Variants in RIT2 observed in about 807,000 individuals in gnomAD.
RIT2 encodes Ras like without CAAX 2, also known as GTP-binding protein Rit2.
Under a neutral mutation model 23.7 loss-of-function variants are expected in RIT2, and 24 were observed. That is an observed-to-expected ratio of 1.01 (90% CI 0.73 to 1.43). The LOEUF is 1.43. Ranked by LOEUF, RIT2 falls within the 40% of genes most tolerant of loss-of-function variation. The pLI, the probability that RIT2 is intolerant of heterozygous loss-of-function variation, is 0.00. For synonymous variants in RIT2, 107 were observed against 91.1 expected (o/e 1.17, Z -0.99); for missense variants, 236 against 266.9 (o/e 0.88, Z 0.81).
At chr18:42,879,673 A>AT (rs1349664659) in intron 4 of RIT2, among the ~76,000 whole-genome samples, 2 of 151,690 alleles carry the variant, frequency 1.3e-5, no homozygotes, top group Admixed American at 6.6e-5. Context: ...TATCTTTTAA[A>AT]TGTTGTTTGT....
Position 42,963,040 on chromosome 18 carries a change from T to C in RIT2, c.234+11034A>G, listed in dbSNP as rs575244350. ...TCAGCATGCTATTTACCTATCCATG[T>C]TGCAAGGAATAATCCACGTTCCTTG... On this transcript the variant is annotated intron_variant, in intron 3 of 4. Coordinates refer to ENST00000326695, the MANE Select transcript of RIT2 (RefSeq NM_002930.4). Among the ~76,000 whole-genome samples, 18 of 152,302 alleles carry C rather than the reference T, an allele frequency of 1.2e-4. 1 individual carries two copies. The South Asian group carries it at 3.7e-3, about 32-fold the overall frequency.
rs1468659278 is a variant in RIT2 at position 43,033,866 on chromosome 18, T to C, written c.105A>G (p.Ala35=). Residue 35 remains alanine, a splice_region_variant and synonymous_variant, in exon 2 of 5, where the codon GCA becomes GCG. Coordinates refer to ENST00000326695, the MANE Select transcript of RIT2 (RefSeq NM_002930.4). The stretch of plus-strand genomic sequence containing the variant: ...GATGACTAATAAACTGCATTGTCAT[T>C]GCTGAAAGAAAAAAAACACATTTTG... ...MLGAGGVGKS[A]MTMQFISHQF... 3 of 1,602,222 alleles carry C rather than the reference T, an allele frequency of 1.9e-6. No individual in the cohort carries two copies. In the African/African-American group the frequency reaches 4.0e-5, roughly 21 times the overall value.
intron 4 of RIT2, among the ~76,000 whole-genome samples, chr18:42,918,203 G>A (rs1398506198): frequency 6.6e-6 from 1 of 152,084 alleles, no homozygotes; most frequent in African/African-American, 2.4e-5. Flanking sequence ...TACCCATTGG[G>A]AAAATGAATT....
intron 4 of RIT2, among the ~76,000 whole-genome samples, chr18:42,879,385 A>G (rs900956255): frequency 5.9e-5 from 9 of 152,138 alleles, no homozygotes; most frequent in African/African-American, 2.2e-4. Flanking sequence ...TTACTAAGTG[A>G]GCTGGGTATG....
At chr18:43,086,849 G>T (rs1261330049) in intron 1 of RIT2, among the ~76,000 whole-genome samples, 1 of 152,208 alleles carries the variant, frequency 6.6e-6, no homozygotes, top group African/African-American at 2.4e-5. Context: ...TTCTGAGAAA[G>T]AGTAGGTCTA....
At chr18:42,767,909 G>T (rs138986289) in intron 4 of RIT2, among the ~76,000 whole-genome samples, 1 of 151,688 alleles carries the variant, frequency 6.6e-6, no homozygotes, top group Admixed American at 6.6e-5. Flanking sequence ...AGTGCCTTTC[G>T]CCTCCCACCA....
chr18:42,987,547 C>A (rs1339646168), intron 2 of RIT2, among the ~76,000 whole-genome samples: 1 of 152,174 alleles, frequency 6.6e-6, no homozygotes, highest in African/African-American at 2.4e-5. Context: ...AGCAATTTCA[C>A]ACATCAGGGA....
At chr18:42,835,464 C>T (rs968818046) in intron 4 of RIT2, among the ~76,000 whole-genome samples, 19 of 152,108 alleles carry the variant, frequency 1.2e-4, no homozygotes, top group Non-Finnish European at 2.6e-4. Flanking sequence ...CCAAAGCTTA[C>T]ATTAGTCCAT....
intron 4 of RIT2, among the ~76,000 whole-genome samples, chr18:42,906,758 C>G (rs1386023586): frequency 6.6e-6 from 1 of 152,154 alleles, no homozygotes; most frequent in East Asian, 1.9e-4. Context: ...TTGTCTGCCC[C>G]ATATCTGTCT....
intron 4 of RIT2, among the ~76,000 whole-genome samples, chr18:42,866,157 C>T (rs1907464227): frequency 6.6e-6 from 1 of 152,290 alleles, no homozygotes; most frequent in South Asian, 2.1e-4. Context: ...AAACAATTGA[C>T]ATGAGAAGCT....
chr18:42,864,824 G>A (rs1907425335), intron 4 of RIT2, among the ~76,000 whole-genome samples: 1 of 152,156 alleles, frequency 6.6e-6, no homozygotes, highest in Admixed American at 6.5e-5. Context: ...ATTTTTAGGA[G>A]GCTCCATATA....
At chr18:42,863,569 C>CATAACAA in intron 4 of RIT2, among the ~76,000 whole-genome samples, 1 of 152,034 alleles carries the variant, frequency 6.6e-6, no homozygotes, top group Non-Finnish European at 1.5e-5. Flanking sequence ...GTTATTGAAC[C>CATAACAA]TCTTATAAGC....
chr18:43,000,174 C>T (rs1449647164), intron 2 of RIT2, among the ~76,000 whole-genome samples: 1 of 152,056 alleles, frequency 6.6e-6, no homozygotes, highest in African/African-American at 2.4e-5. Context: ...TCTGTCTACA[C>T]TGATAAATGG....
chr18:43,037,231 TC>T (rs1912003290), intron 1 of RIT2, among the ~76,000 whole-genome samples: 1 of 152,194 alleles, frequency 6.6e-6, no homozygotes, highest in African/African-American at 2.4e-5. Flanking sequence ...AGAACAGTTG[TC>T]CTAGAAAATA....
chr18:43,018,239 G>A (rs1301387741), intron 2 of RIT2, among the ~76,000 whole-genome samples: 1 of 152,050 alleles, frequency 6.6e-6, no homozygotes. Flanking sequence ...AGAGGCAGAA[G>A]GCATTGCAGA....
chr18:42,915,414 G>T (rs1908881554), intron 4 of RIT2, among the ~76,000 whole-genome samples: 1 of 152,040 alleles, frequency 6.6e-6, no homozygotes, highest in Non-Finnish European at 1.5e-5. Context: ...TTAGTTAAGA[G>T]TGGTATTGTA....
chr18:42,848,769 T>C (rs984055736), intron 4 of RIT2, among the ~76,000 whole-genome samples: 1 of 152,144 alleles, frequency 6.6e-6, no homozygotes. Flanking sequence ...TGAAAATATT[T>C]TTGAAGTACT....
intron 4 of RIT2, among the ~76,000 whole-genome samples, chr18:42,878,968 G>A (rs1445372232): frequency 2.0e-5 from 3 of 151,828 alleles, no homozygotes; most frequent in Non-Finnish European, 4.4e-5. Flanking sequence ...CTTCCCTAGG[G>A]TTTACAACTA....
intron 4 of RIT2, among the ~76,000 whole-genome samples, chr18:42,762,277 G>T (rs1012863099): frequency 6.6e-6 from 1 of 152,098 alleles, no homozygotes; most frequent in Non-Finnish European, 1.5e-5. Context: ...TCACTGAACT[G>T]TATTCAAAAG....
Sources: allele counts gnomAD v4.1 joint callset (sites outside exome capture counted in the v4.1 genomes callset), GRCh38; gene constraint gnomAD v4.1.1; transcripts MANE v1.5; gene names NCBI Gene and HGNC (gene_info 2026-07-23, HGNC 2026-07-21).